Variants in ASAP1 observed in about 807,000 individuals in gnomAD.
ASAP1 encodes the protein ArfGAP with SH3 domain, ankyrin repeat and PH domain 1, also known as arf-GAP with SH3 domain, ANK repeat and PH domain-containing protein 1.
ASAP1 carries 43 observed loss-of-function variants against 145.2 expected under a neutral mutation model. The observed-to-expected ratio is 0.30, with a 90% CI of 0.23 to 0.38. ASAP1 has a LOEUF of 0.38. ASAP1 is among the 10% of genes least tolerant of loss of function. ASAP1 has a pLI of 1.00. For missense variants in ASAP1, 1,018 were observed against 1,355.3 expected, an observed-to-expected ratio of 0.75 and a Z score of 3.91; for synonymous variants, 546 against 515.5, an observed-to-expected ratio of 1.06 and a Z score of -0.80.
At chr8:130,197,995 C>A (rs1269919184) in intron 5 of ASAP1, among the ~76,000 whole-genome samples, 1 of 152,314 alleles carries the variant, frequency 6.6e-6, no homozygotes, top group South Asian at 2.1e-4. Flanking sequence ...GCCCCTAATA[C>A]ACCCCATGTC....
chr8:130,377,748 T>A (rs1342213664), intron 2 of ASAP1, among the ~76,000 whole-genome samples: 8 of 152,184 alleles, frequency 5.3e-5, no homozygotes, highest in Non-Finnish European at 1.0e-4. Flanking sequence ...AGTGCTCCCC[T>A]GCTCTCCAGG....
chr8:130,085,677 A>G (rs2097491118), intron 25 of ASAP1, among the ~76,000 whole-genome samples: 1 of 151,614 alleles, frequency 6.6e-6, no homozygotes, highest in African/African-American at 2.4e-5. Flanking sequence ...TGAGGCTACA[A>G]TAAGCCATGA....
chr8:130,329,281 G>A (rs991721920), intron 3 of ASAP1, among the ~76,000 whole-genome samples: 3 of 152,112 alleles, frequency 2.0e-5, no homozygotes, highest in African/African-American at 7.2e-5. Flanking sequence ...TCAAAACATG[G>A]CATCCAGTTG....
chr8:130,313,303 G>A (rs1451640125), intron 3 of ASAP1, among the ~76,000 whole-genome samples: 3 of 147,868 alleles, frequency 2.0e-5, no homozygotes, highest in South Asian at 2.1e-4. Flanking sequence ...TAACATAACC[G>A]TTTAAAAAAA....
intron 2 of ASAP1, among the ~76,000 whole-genome samples, chr8:130,362,350 T>C (rs1032290673): frequency 5.9e-5 from 9 of 152,222 alleles, no homozygotes; most frequent in African/African-American, 2.2e-4. Flanking sequence ...GATGCCCTCA[T>C]GGAATGACGA....
chr8:130,286,622 A>G (rs1459875635), intron 3 of ASAP1, among the ~76,000 whole-genome samples: 3 of 152,182 alleles, frequency 2.0e-5, no homozygotes, highest in Non-Finnish European at 4.4e-5. Context: ...GAGTTAAACC[A>G]TGTAAAGCAC....
At chr8:130,322,541 A>T (rs1253638673) in intron 3 of ASAP1, among the ~76,000 whole-genome samples, 1 of 152,234 alleles carries the variant, frequency 6.6e-6, no homozygotes, top group Non-Finnish European at 1.5e-5. Context: ...AATTAAATAC[A>T]GAACTGGGGA....
chr8:130,359,915 GCC>G (rs1178531104), intron 2 of ASAP1, among the ~76,000 whole-genome samples: 1 of 152,236 alleles, frequency 6.6e-6, no homozygotes, highest in East Asian at 1.9e-4. Context: ...GAGCCACCGC[GCC>G]CGGCCCATCT....
intron 4 of ASAP1, among the ~76,000 whole-genome samples, chr8:130,231,989 G>C (rs1007823814): frequency 1.3e-5 from 2 of 152,222 alleles, no homozygotes; most frequent in African/African-American, 4.8e-5. Context: ...GTTTGACTGG[G>C]GTTAGATTTG....
At chr8:130,297,300 G>A (rs1822343980) in intron 3 of ASAP1, among the ~76,000 whole-genome samples, 1 of 152,286 alleles carries the variant, frequency 6.6e-6, no homozygotes, top group Middle Eastern at 3.4e-3. Context: ...CGGCCCTGCA[G>A]AACCTGAGGG....
chr8:130,164,569 C>T (rs922047168), intron 11 of ASAP1, among the ~76,000 whole-genome samples: 13 of 152,220 alleles, frequency 8.5e-5, no homozygotes, highest in African/African-American at 2.4e-4. Context: ...CCAGTCTGGG[C>T]GACAGAGACT....
intron 3 of ASAP1, among the ~76,000 whole-genome samples, chr8:130,328,835 G>A (rs1003959800): frequency 3.3e-5 from 5 of 151,474 alleles, no homozygotes; most frequent in East Asian, 1.9e-4. Context: ...TCCCTATGTC[G>A]CTCAGGTTGG....
intron 3 of ASAP1, among the ~76,000 whole-genome samples, chr8:130,349,920 T>C (rs1825903059): frequency 1.3e-5 from 2 of 152,310 alleles, no homozygotes; most frequent in Admixed American, 6.5e-5. Flanking sequence ...AAGTAATACA[T>C]GTGGGAATGG....
chr8:130,337,967 A>C (rs115899687), intron 3 of ASAP1, among the ~76,000 whole-genome samples: 1,683 of 152,296 alleles, frequency 0.011, 29 homozygotes, highest in African/African-American at 0.039. Context: ...TGCCTAATCC[A>C]TTACTTCATT....
Position 130,112,136 on chromosome 8 carries a change from T to C in ASAP1, c.2359A>G (p.Thr787Ala). ...STSTDSPTSP[T>A]TEAPPLPPRN... Reference sequence around the variant, plus strand: ...GGAGGCAGAGGGGGAGCCTCCGTGGTTGGTGATGTGGGCGAGTCTGTGCTT... The same window carrying C: ...GGAGGCAGAGGGGGAGCCTCCGTGGCTGGTGATGTGGGCGAGTCTGTGCTT... The change falls in exon 24 of 30, where the codon ACC (threonine) becomes GCC (alanine). Residue 787 changes from threonine (T) to alanine (A), a missense_variant. This residue lies in a region of ASAP1 where 353 missense variants were observed against 375.4 expected (regional missense o/e 0.94). Coordinates refer to ENST00000518721, the MANE Select transcript of ASAP1 (RefSeq NM_018482.4). 2 of 1,614,046 alleles carry C rather than the reference T, an allele frequency of 1.2e-6. No individual in the cohort carries two copies. The highest frequency in any genetic ancestry group is 1.3e-5 in the African/African-American group (1 of 74,980).
intron 16 of ASAP1, among the ~76,000 whole-genome samples, chr8:130,127,241 C>A (rs934625752): frequency 6.6e-6 from 1 of 151,970 alleles, no homozygotes. Context: ...TTTTTTGAGA[C>A]AGTCTCGCTC....
At chr8:130,149,011 A>ATTT (rs397892008) in intron 13 of ASAP1, among the ~76,000 whole-genome samples, 3 of 123,930 alleles carry the variant, frequency 2.4e-5, no homozygotes, top group Non-Finnish European at 5.2e-5. Context: ...TAATTTTTGC[A>ATTT]TTTTTTTTTT....
At chr8:130,133,625 C>T (rs898577220) in intron 15 of ASAP1, among the ~76,000 whole-genome samples, 2 of 151,226 alleles carry the variant, frequency 1.3e-5, no homozygotes, top group South Asian at 2.1e-4. Context: ...CACTGCAGTC[C>T]GCAGTCCGGC....
At chr8:130,284,039 TG>T (rs1030559225) in intron 3 of ASAP1, among the ~76,000 whole-genome samples, 1 of 152,186 alleles carries the variant, frequency 6.6e-6, no homozygotes, top group African/African-American at 2.4e-5. Flanking sequence ...GACAGCTTTT[TG>T]TTAGACTCAT....
Sources: allele counts gnomAD v4.1 joint callset (sites outside exome capture counted in the v4.1 genomes callset), GRCh38; gene constraint gnomAD v4.1.1; regional missense constraint gnomAD v4.1.1; transcripts MANE v1.5; gene names NCBI Gene and HGNC (gene_info 2026-07-23, HGNC 2026-07-21).